Variants in STOX2 observed in about 807,000 individuals in gnomAD.
STOX2 encodes storkhead-box protein 2.
In STOX2, 28 loss-of-function variants were observed where a neutral mutation model predicts 60.9. That is an observed-to-expected ratio of 0.46 (90% CI 0.34 to 0.63). The LOEUF (loss-of-function observed/expected upper bound fraction) is 0.63, where lower values mean the gene tolerates loss of function less well. Ranked by LOEUF, STOX2 falls within the 30% of genes least tolerant of loss-of-function variation. The pLI, the probability that STOX2 is intolerant of heterozygous loss-of-function variation, is 0.01. For missense variants in STOX2, 1,024 were observed against 1,187.7 expected (o/e 0.86, Z 2.03); for synonymous variants, 472 against 463.9 (o/e 1.02, Z -0.22).
intron 1 of STOX2, among the ~76,000 whole-genome samples, chr4:183,824,095 G>C (rs1021020837): frequency 2.6e-5 from 4 of 152,166 alleles, no homozygotes; most frequent in Non-Finnish European, 5.9e-5. Context: ...TCAGATGTTA[G>C]AACAATTCAG....
At position 183,929,932 on chromosome 4, in the gene STOX2, C is replaced by T. The variant is rs540164260; in HGVS notation, c.166+22976C>T. On this transcript the variant is annotated intron_variant, in intron 1 of 3. Transcript: ENST00000308497. ...AGGCTGGAGTGCAGTGGCACGATCT[C>T]GGCTCACTGCAAGCTCCGCCTCCCG... is the stretch of plus-strand genomic sequence containing the variant. 4.7e-5 allele frequency among the ~76,000 whole-genome samples: 7 copies of T among 150,066 alleles called. No homozygotes were observed. The South Asian group carries it at 8.5e-4, about 18-fold the overall frequency.
At chr4:183,802,648 C>A (rs1383804363) in intron 1 of STOX2, among the ~76,000 whole-genome samples, 1 of 151,820 alleles carries the variant, frequency 6.6e-6, no homozygotes, top group Non-Finnish European at 1.5e-5. Context: ...CTCTGTCGCC[C>A]AGGCTGGAGT....
At chr4:183,944,367 C>CTT (rs1210541722) in intron 1 of STOX2, among the ~76,000 whole-genome samples, 2 of 152,170 alleles carry the variant, frequency 1.3e-5, no homozygotes, top group Non-Finnish European at 2.9e-5. Context: ...CACTCAAATA[C>CTT]TACATTAAGA....
chr4:183,918,627 T>G (rs4600960), intron 1 of STOX2, among the ~76,000 whole-genome samples: 32,602 of 152,200 alleles, frequency 0.21, 4,097 homozygotes, highest in East Asian at 0.52. Flanking sequence ...GCCAGTAGGC[T>G]CTCTCCTGCC....
intron 1 of STOX2, among the ~76,000 whole-genome samples, chr4:183,890,846 G>A (rs575965544): frequency 4.5e-4 from 68 of 152,270 alleles, no homozygotes; most frequent in Middle Eastern, 3.4e-3. Context: ...GGTGGCTCAT[G>A]CCTGTAATCC....
intron 1 of STOX2, among the ~76,000 whole-genome samples, chr4:183,919,350 C>G (rs780165918): frequency 6.6e-6 from 1 of 152,154 alleles, no homozygotes; most frequent in South Asian, 2.1e-4. Flanking sequence ...TCCAGGGCAG[C>G]GCGGTGGAGT....
intron 1 of STOX2, among the ~76,000 whole-genome samples, chr4:183,843,158 AAAAAAGAAAAAG>A (rs1553967452): frequency 6.6e-5 from 10 of 150,598 alleles, no homozygotes; most frequent in Admixed American, 2.0e-4. Context: ...AAAAAAAAAA[AAAAAAGAAAAAG>A]AAAAAGAAAA....
At chr4:183,831,720 A>G (rs1035075719) in intron 1 of STOX2, among the ~76,000 whole-genome samples, 53 of 152,172 alleles carry the variant, frequency 3.5e-4, no homozygotes, top group African/African-American at 1.2e-3. Flanking sequence ...TCAGGTAGCA[A>G]AATGCACTTG....
chr4:183,838,736 AC>A (rs1739775515), intron 1 of STOX2, among the ~76,000 whole-genome samples: 2 of 152,152 alleles, frequency 1.3e-5, no homozygotes, highest in South Asian at 4.1e-4. Flanking sequence ...CACTTGGGGC[AC>A]CCATTGTGGA....
At chr4:183,967,566 TGC>T (rs1191797580) in intron 1 of STOX2, among the ~76,000 whole-genome samples, 88 of 152,148 alleles carry the variant, frequency 5.8e-4, no homozygotes, top group Non-Finnish European at 1.1e-3. Flanking sequence ...CCATGGGTGG[TGC>T]TCACACCTGG....
chr4:183,886,981 G>T (rs745407231), intron 1 of STOX2, among the ~76,000 whole-genome samples: 7 of 152,144 alleles, frequency 4.6e-5, no homozygotes, highest in Non-Finnish European at 7.3e-5. Flanking sequence ...ACTTCTGGCT[G>T]GGCACGGTGG....
chr4:183,961,906 C>T (rs931362696), intron 1 of STOX2, among the ~76,000 whole-genome samples: 3 of 152,224 alleles, frequency 2.0e-5, no homozygotes, highest in African/African-American at 7.2e-5. Context: ...AATGCCAAAG[C>T]CAGACAGCTT....
rs1163138129 is a variant in STOX2 at position 183,906,745 on chromosome 4, G to A, written c.-46G>A. On this transcript the variant is annotated 5_prime_UTR_variant, in exon 1 of 4. Transcript: ENST00000308497. ...CGGATGAAGGAGCGCGCTGCGCCCC[G>A]GCGCTGAGGCCCCGAGGATCGGGGC... The A allele has an allele frequency of 6.8e-7, 1 of 1,464,604 alleles. No individual in the cohort carries two copies. Among genetic ancestry groups the A allele is most frequent in the Non-Finnish European group, 9.1e-7 (1 of 1,102,080 alleles). The allele number at this position is 1,464,604 out of a possible 1,614,324, so 90.7% of individuals were successfully genotyped here.
chr4:184,004,377 A>G (rs1329556629), intron 2 of STOX2, among the ~76,000 whole-genome samples: 1 of 152,136 alleles, frequency 6.6e-6, no homozygotes, highest in Non-Finnish European at 1.5e-5. Context: ...AGGCGGGCGG[A>G]TCACGACGTC....
intron 1 of STOX2, among the ~76,000 whole-genome samples, chr4:183,943,272 G>T (rs1211567060): frequency 1.3e-5 from 2 of 152,056 alleles, no homozygotes; most frequent in Non-Finnish European, 2.9e-5. Context: ...CTAAAGCAGA[G>T]AATTATTTGT....
At chr4:183,929,825 C>G (rs1212917838) in intron 1 of STOX2, among the ~76,000 whole-genome samples, 1 of 152,190 alleles carries the variant, frequency 6.6e-6, no homozygotes, top group East Asian at 1.9e-4. Context: ...TTTTGTATAG[C>G]AAGAAAATAT....
chr4:183,956,519 C>G (rs1743257069), intron 1 of STOX2, among the ~76,000 whole-genome samples: 1 of 151,914 alleles, frequency 6.6e-6, no homozygotes, highest in Non-Finnish European at 1.5e-5. Context: ...AGAGTAGTTG[C>G]AAGCATCATG....
At chr4:183,832,339 T>C (rs1739589139) in intron 1 of STOX2, among the ~76,000 whole-genome samples, 1 of 151,986 alleles carries the variant, frequency 6.6e-6, no homozygotes, top group Non-Finnish European at 1.5e-5. Flanking sequence ...ACTCTAAATA[T>C]TACTAACCCC....
intron 1 of STOX2, among the ~76,000 whole-genome samples, chr4:183,922,621 G>C (rs1742135648): frequency 6.6e-6 from 1 of 152,090 alleles, no homozygotes; most frequent in African/African-American, 2.4e-5. Context: ...TGGGATTACA[G>C]ATGTGAGCCA....
Sources: gnomAD v4.1 joint callset for allele counts (sites outside exome capture counted in the v4.1 genomes callset) on GRCh38, gnomAD v4.1.1 for gene constraint, MANE v1.5 for transcripts, NCBI Gene and HGNC (gene_info 2026-07-23, HGNC 2026-07-21) for gene names.